Variants in PRR5 observed in about 807,000 individuals in gnomAD.
The protein encoded by PRR5 is proline rich 5.
In PRR5, 25 loss-of-function variants were observed where a neutral mutation model predicts 30.6. That is an observed-to-expected ratio of 0.82 (90% CI 0.60 to 1.14). The LOEUF (loss-of-function observed/expected upper bound fraction) is 1.14. Among genes scored for constraint, PRR5 ranks in the 50% most tolerant of loss-of-function variants. The pLI is 0.00. For missense variants in PRR5, 600 were observed against 547.1 expected (o/e 1.10, Z -0.96); for synonymous variants, 286 against 247.1 (o/e 1.16, Z -1.48).
chr22:44,699,618 C>T (rs117674086), upstream of PRR5, among the ~76,000 whole-genome samples: 2 of 152,348 alleles, frequency 1.3e-5, no homozygotes, highest in East Asian at 1.9e-4. Context: ...GTGCTAGGCA[C>T]GGGGACTGTA....
chr22:44,696,772 TG>T (rs1925790728), intron 1 of PRR5, among the ~76,000 whole-genome samples: 3 of 145,980 alleles, frequency 2.1e-5, no homozygotes, highest in African/African-American at 7.8e-5. Flanking sequence ...AGTCCTGCTC[TG>T]TCGCCCAGGC....
intron 1 of PRR5, among the ~76,000 whole-genome samples, chr22:44,695,543 C>T (rs1355993160): frequency 6.6e-6 from 1 of 152,104 alleles, no homozygotes; most frequent in Admixed American, 6.6e-5. Flanking sequence ...TAAGAAGCCT[C>T]TCTTCATGGC....
In PRR5 at chr22:44,702,321, G is replaced by C; in HGVS notation, c.-154G>C. 8.7e-7 allele frequency: 1 copy of C among 1,149,704 alleles called. No individual in the cohort carries two copies. Among genetic ancestry groups the C allele is most frequent in the Non-Finnish European group, 1.1e-6 (1 of 928,624 alleles). 71.2% of individuals were successfully genotyped at this position (1,149,704 alleles called of 1,614,324 possible). A position where few individuals can be genotyped will look rare whatever the true frequency, so the allele number is the denominator to read the frequency against. The stretch of plus-strand genomic sequence containing the variant: ...CGCGGGACCCGAGACGGAGGCGCGG[G>C]GCCGGGGCGGGACCCCGCAGGACCG... On this transcript the variant is annotated 5_prime_UTR_variant, in exon 1 of 8. Coordinates refer to ENST00000336985, the MANE Select transcript of PRR5 (RefSeq NM_181333.4).
At chr22:44,692,872 C>T (rs1925407700) in intron 1 of PRR5, among the ~76,000 whole-genome samples, 1 of 152,168 alleles carries the variant, frequency 6.6e-6, no homozygotes, top group African/African-American at 2.4e-5. Context: ...GCTCTCAGCA[C>T]GGGGCCAGGC....
chr22:44,712,938 G>A (rs1928479905), intron 1 of PRR5, among the ~76,000 whole-genome samples: 1 of 152,212 alleles, frequency 6.6e-6, no homozygotes, highest in Non-Finnish European at 1.5e-5. Context: ...GGGTCAGAGG[G>A]CTTCTTGCAG....
intron 1 of PRR5, among the ~76,000 whole-genome samples, chr22:44,681,719 G>T (rs940345733): frequency 9.2e-5 from 14 of 152,328 alleles, no homozygotes; most frequent in Non-Finnish European, 1.6e-4. Flanking sequence ...AGCCTTATGG[G>T]ACCAGGGGCC....
chr22:44,719,772 G>T (rs1929656541), intron 2 of PRR5, among the ~76,000 whole-genome samples: 1 of 152,202 alleles, frequency 6.6e-6, no homozygotes. Flanking sequence ...CCTGCTCCCT[G>T]CAAGGCCTCT....
chr22:44,673,473 C>A (rs1475701146), upstream of PRR5, among the ~76,000 whole-genome samples: 1 of 152,214 alleles, frequency 6.6e-6, no homozygotes, highest in Non-Finnish European at 1.5e-5. Flanking sequence ...TTCACTGTTC[C>A]ATCATCATCC....
intron 1 of PRR5, among the ~76,000 whole-genome samples, chr22:44,689,875 C>A (rs967387411): frequency 6.6e-6 from 1 of 152,168 alleles, no homozygotes; most frequent in Non-Finnish European, 1.5e-5. Flanking sequence ...TCTCGAACTC[C>A]TGACCTCAAG....
At chr22:44,697,447 C>T (rs147896715), upstream of PRR5, among the ~76,000 whole-genome samples, 114 of 152,382 alleles carry the variant, frequency 7.5e-4, no homozygotes, top group African/African-American at 2.6e-3. Context: ...ACTGTGGGGA[C>T]AGAGCCAGGC....
chr22:44,703,318 A>AGTGGACACTGTTCGGGGGAGGCT (rs61316567), intron 1 of PRR5, among the ~76,000 whole-genome samples: 4 of 141,786 alleles, frequency 2.8e-5, no homozygotes, highest in Admixed American at 2.1e-4. Context: ...CGCGGGAGGC[A>AGTGGACACTGTTCGGGGGAGGCT]GTGGACACTG....
chr22:44,716,224 A>T (rs1291911491), intron 2 of PRR5, among the ~76,000 whole-genome samples: 2 of 152,226 alleles, frequency 1.3e-5, no homozygotes, highest in Non-Finnish European at 2.9e-5. Flanking sequence ...AATGGGTAAA[A>T]ATCGGGGGCT....
At chr22:44,722,698 C>T (rs1222585738) in intron 2 of PRR5, among the ~76,000 whole-genome samples, 1 of 152,202 alleles carries the variant, frequency 6.6e-6, no homozygotes, top group Non-Finnish European at 1.5e-5. Context: ...TATTGCATCT[C>T]CACCAGCACC....
rs779407336 is a variant in PRR5, at chr22:44,714,653, G to C, written c.197G>C (p.Ser66Thr). ...RKGLPDQELF[S>T]LNEGVRQLLK... Reference sequence around the variant, plus strand: ...GGGCTGCCCGACCAGGAGCTCTTCAGCCTCAACGAGGGCGTCCGGTGAGTG... The same window carrying C: ...GGGCTGCCCGACCAGGAGCTCTTCACCCTCAACGAGGGCGTCCGGTGAGTG... Residue 66 changes from serine (S) to threonine (T), a missense_variant, in exon 2 of 8, where the codon AGC becomes ACC. By Grantham distance (58) the Ser-to-Thr change is moderately conservative. Coordinates refer to ENST00000336985, the MANE Select transcript of PRR5 (RefSeq NM_181333.4). 54 of 1,613,736 alleles carry C rather than the reference G, an allele frequency of 3.3e-5. No homozygotes were observed. The East Asian group carries it at 1.2e-3, about 35-fold the overall frequency.
chr22:44,701,037 C>T (rs775362881), upstream of PRR5, among the ~76,000 whole-genome samples: 1 of 149,402 alleles, frequency 6.7e-6, no homozygotes, highest in Non-Finnish European at 1.5e-5. Flanking sequence ...CATGCACCAC[C>T]ACGCCCAGCT....
Position 44,736,974 on chromosome 22 carries a change from G to C in PRR5, c.894G>C (p.Pro298=). The change falls in exon 8 of 8, where the codon CCG becomes CCC. Residue 298 remains proline (P), a synonymous_variant. Coordinates refer to ENST00000336985, the MANE Select transcript of PRR5 (RefSeq NM_181333.4). ...SCPEPQGFSD[P]PGQGPTGTFR... is the part of the protein sequence containing the mutation. ...CCGAGCCTCAGGGCTTCTCCGACCC[G>C]CCCGGCCAGGGCCCCACCGGGACCT... is the stretch of plus-strand genomic sequence containing the variant. The C allele has an allele frequency of 1.2e-6, 2 of 1,600,852 alleles. No homozygotes were observed. The highest frequency in any genetic ancestry group is 8.5e-7 in the Non-Finnish European group (1 of 1,174,508).
chr22:44,684,407 G>A (rs1176629655), intron 1 of PRR5, among the ~76,000 whole-genome samples: 5 of 152,236 alleles, frequency 3.3e-5, no homozygotes, highest in South Asian at 2.1e-4. Flanking sequence ...TTAGCTGGGC[G>A]TGGTGGCGGC....
chr22:44,721,026 A>T (rs1391957270), intron 2 of PRR5, among the ~76,000 whole-genome samples: 2 of 151,998 alleles, frequency 1.3e-5, no homozygotes, highest in African/African-American at 4.8e-5. Flanking sequence ...TCACACCCGC[A>T]CTCATCATGG....
intron 1 of PRR5, among the ~76,000 whole-genome samples, chr22:44,706,852 TG>T (rs1441340093): frequency 1.1e-5 from 1 of 91,426 alleles, no homozygotes; most frequent in Non-Finnish European, 2.5e-5. Flanking sequence ...AAGGGAGCTA[TG>T]GATGCCCGGC....
Sources: allele counts gnomAD v4.1 joint callset (sites outside exome capture counted in the v4.1 genomes callset), GRCh38; gene constraint gnomAD v4.1.1; transcripts MANE v1.5; gene names NCBI Gene and HGNC (gene_info 2026-07-23, HGNC 2026-07-21).